SGSM1: variants seen among roughly 807,000 people sequenced by gnomAD.
The protein encoded by SGSM1 is RUN and TBC1 domain containing 2.
SGSM1 carries 73 observed loss-of-function variants against 133.8 expected under a neutral mutation model. The observed-to-expected ratio is 0.55, with a 90% confidence interval of 0.45 to 0.66. SGSM1 has a LOEUF of 0.66. Among genes scored for constraint, SGSM1 ranks in the 30% least tolerant of loss-of-function variants. The pLI, the probability that SGSM1 is intolerant of heterozygous loss-of-function variation, is 0.00. For missense variants in SGSM1, 1,213 were observed against 1,448.1 expected (o/e 0.84, Z 2.64); for synonymous variants, 563 against 573.0 (o/e 0.98, Z 0.25).
At chr22:24,899,518 C>CTTTTT (rs56027362) in intron 19 of SGSM1, among the ~76,000 whole-genome samples, 61 of 133,752 alleles carry the variant, frequency 4.6e-4, no homozygotes, top group Non-Finnish European at 6.7e-4. Flanking sequence ...CTTTTCTTTT[C>CTTTTT]TTTTTTTTTT....
At chr22:24,907,810 G>A (rs1336997357) in intron 21 of SGSM1, among the ~76,000 whole-genome samples, 1 of 150,420 alleles carries the variant, frequency 6.6e-6, no homozygotes, top group Non-Finnish European at 1.5e-5. Context: ...TACTCAGGAG[G>A]CTGAGGCAGG....
intron 12 of SGSM1, among the ~76,000 whole-genome samples, chr22:24,872,207 A>G (rs1931799561): frequency 6.6e-6 from 1 of 152,238 alleles, no homozygotes; most frequent in Admixed American, 6.5e-5. Context: ...AGATATGACC[A>G]CAGATGTTTC....
chr22:24,868,920 T>G, intron 12 of SGSM1, 65 bp downstream of exon 12: 1 of 1,574,396 alleles, frequency 6.4e-7, no homozygotes. Flanking sequence ...TGACTCCAGG[T>G]GTTTGAAACT....
intron 2 of SGSM1, among the ~76,000 whole-genome samples, chr22:24,824,581 C>T (rs1479308371): frequency 6.9e-6 from 1 of 145,440 alleles, no homozygotes; most frequent in Non-Finnish European, 1.5e-5. Context: ...CCAGCTCTTT[C>T]CATAGGCTGT....
At chr22:24,879,847 G>A (rs1043162419) in intron 14 of SGSM1, among the ~76,000 whole-genome samples, 2 of 152,152 alleles carry the variant, frequency 1.3e-5, no homozygotes, top group African/African-American at 4.8e-5. Context: ...TGAGGACCAC[G>A]TAGAAAGCCC....
rs8138533 is a variant in SGSM1 at position 24,841,409 on chromosome 22, T to C, written c.64-3488T>C. ...CTCCTGGAGAATGTTCCATGTGCAC[T>C]TGAGAAAAGTGGGCATCCTGCCATC... On this transcript the variant is annotated intron_variant, in intron 2 of 24. Coordinates refer to ENST00000400358, the MANE Select transcript of SGSM1 (RefSeq NM_001098497.3). 8.9e-3 allele frequency among the ~76,000 whole-genome samples: 1,349 copies of C among 152,304 alleles called. 20 individuals carry two copies. The highest frequency in any genetic ancestry group is 0.029 in the African/African-American group (1,200 of 41,580).
At position 24,893,632 on chromosome 22, in the gene SGSM1, C is replaced by T. The variant is rs368302797; in HGVS notation, c.1953+19C>T. 1.2e-5 allele frequency: 19 copies of T among 1,536,552 alleles called. No individual in the cohort carries two copies. The highest frequency in any genetic ancestry group is 3.9e-5 in the Admixed American group (2 of 50,908). ...CAATGAGGTGATGGGCGGCTGGCCTCGGGGAGCGCGGGGGCTGGGGAAGGT... is the reference window on the plus strand; with the variant it reads ...CAATGAGGTGATGGGCGGCTGGCCTTGGGGAGCGCGGGGGCTGGGGAAGGT... On this transcript the variant is annotated intron_variant, in intron 17 of 24. Transcript: ENST00000400358.
At chr22:24,806,961 T>C (rs1346726739) in intron 2 of SGSM1, among the ~76,000 whole-genome samples, 1 of 151,992 alleles carries the variant, frequency 6.6e-6, no homozygotes, top group Non-Finnish European at 1.5e-5. Context: ...CCCCGAATTC[T>C]CAGTCCTTGG....
chr22:24,806,218 G>C lies in SGSM1; in HGVS notation c.-108G>C, dbSNP rs1031995234. On this transcript the variant is annotated 5_prime_UTR_variant, in exon 1 of 25. Coordinates refer to ENST00000400358, the MANE Select transcript of SGSM1 (RefSeq NM_001098497.3). ...GGGCGCCCTCCGGCCGTCACTCAGC[G>C]CTCGGCCCCGCCCCGCCGCGGCTGC... 2 of 1,240,180 alleles carry C rather than the reference G, an allele frequency of 1.6e-6. No individual in the cohort carries two copies. The highest frequency in any genetic ancestry group is 3.2e-5 in the African/African-American group (2 of 63,344). The allele number at this position is 1,240,180 out of a possible 1,614,324, so 76.8% of individuals were successfully genotyped here.
At position 24,926,205 on chromosome 22, in the gene SGSM1, A is replaced by G. The variant is rs961155707; in HGVS notation, c.*1931A>G. 6.6e-6 allele frequency: 1 copy of G among 152,250 alleles called. No individual in the cohort carries two copies. Among genetic ancestry groups the G allele is most frequent in the East Asian group, 1.9e-4 (1 of 5,192 alleles). The allele number at this position is 152,250 out of a possible 1,614,324, so 9.4% of individuals were successfully genotyped here. Reference sequence around the variant, plus strand: ...TCTTTCCCTTGGTATAGCAACTTCAACTGCACCTGAACCTCCAACCTCTGC... The same window carrying G: ...TCTTTCCCTTGGTATAGCAACTTCAGCTGCACCTGAACCTCCAACCTCTGC... On this transcript the variant is annotated 3_prime_UTR_variant, in exon 25 of 25. Coordinates refer to ENST00000400358, the MANE Select transcript of SGSM1 (RefSeq NM_001098497.3).
intron 5 of SGSM1, among the ~76,000 whole-genome samples, chr22:24,851,449 G>A (rs867967330): frequency 8.9e-6 from 1 of 112,868 alleles, no homozygotes; most frequent in Non-Finnish European, 1.7e-5. Context: ...GGGGGTGGGG[G>A]GAGAGAGAGA....
At chr22:24,818,772 C>T (rs1601887683) in intron 2 of SGSM1, among the ~76,000 whole-genome samples, 1 of 152,164 alleles carries the variant, frequency 6.6e-6, no homozygotes, top group Non-Finnish European at 1.5e-5. Context: ...AATACGGTTT[C>T]CTGTCCTCAG....
At chr22:24,902,094 A>G (rs753475483) in intron 20 of SGSM1, 137 bp downstream of exon 20, 3 of 923,342 alleles carry the variant, frequency 3.2e-6, no homozygotes, top group African/African-American at 1.7e-5. Context: ...CTTAGCCCAC[A>G]GTGAAAATTT....
intron 9 of SGSM1, among the ~76,000 whole-genome samples, 165 bp from the exon 10 acceptor site, chr22:24,866,928 G>T (rs1316689800): frequency 1.3e-5 from 2 of 152,156 alleles, no homozygotes; most frequent in African/African-American, 2.4e-5. Flanking sequence ...GGGGTTCTGA[G>T]ACCAGAAAAA....
intron 22 of SGSM1, among the ~76,000 whole-genome samples, chr22:24,914,517 T>A (rs1346764547): frequency 6.6e-6 from 1 of 151,930 alleles, no homozygotes; most frequent in Non-Finnish European, 1.5e-5. Context: ...TCATTATTCG[T>A]GTACCCCTTC....
chr22:24,852,173 T>A, intron 5 of SGSM1, among the ~76,000 whole-genome samples: 1 of 152,218 alleles, frequency 6.6e-6, no homozygotes, highest in Non-Finnish European at 1.5e-5. Flanking sequence ...ACATTTTACA[T>A]ACCCATAGTG....
rs780619418 is a variant in SGSM1 at position 24,886,715 on chromosome 22, C to T, written c.1757C>T (p.Thr586Ile). 1 of 1,585,066 alleles carries T rather than the reference C, an allele frequency of 6.3e-7. No homozygotes were observed. Among genetic ancestry groups the T allele is most frequent in the African/African-American group, 1.3e-5 (1 of 74,404 alleles). Residue 586 changes from threonine (T) to isoleucine (I), a missense_variant, in exon 16 of 25, where the codon ACA becomes ATA. Coordinates refer to ENST00000400358, the MANE Select transcript of SGSM1 (RefSeq NM_001098497.3). ...LGHYQFGMTE[T>I]ERKEVDEQIH... ...CACTACCAGTTCGGGATGACGGAAA[C>T]AGAAAGGAAAGAGGTCGGTTACCTG... is the stretch of plus-strand genomic sequence containing the variant.
chr22:24,897,802 G>A (rs888299373), intron 18 of SGSM1, among the ~76,000 whole-genome samples, 170 bp from the exon 19 acceptor site: 2 of 152,164 alleles, frequency 1.3e-5, no homozygotes, highest in Non-Finnish European at 2.9e-5. Context: ...AAATGGGAGC[G>A]TATATTACAC....
At chr22:24,867,293 C>A in intron 10 of SGSM1, 133 bp downstream of exon 10, 1 of 771,406 alleles carries the variant, frequency 1.3e-6, no homozygotes, top group Non-Finnish European at 2.2e-6. Flanking sequence ...CAACCTTAGG[C>A]AAGCGACCTC....
Sources: gnomAD v4.1 joint callset for allele counts (sites outside exome capture counted in the v4.1 genomes callset) on GRCh38, gnomAD v4.1.1 for gene constraint, MANE v1.5 for transcripts, NCBI Gene and HGNC (gene_info 2026-07-23, HGNC 2026-07-21) for gene names.